PTK7: variants seen among roughly 807,000 people sequenced by gnomAD.
PTK7 encodes inactive tyrosine-protein kinase 7.
Under a neutral mutation model 116.6 loss-of-function variants are expected in PTK7, and 39 were observed. The ratio of observed to expected loss-of-function variants is 0.33; its 90% CI spans 0.26 to 0.44. The LOEUF is 0.44. Ranked by LOEUF, PTK7 falls within the 20% of genes least tolerant of loss-of-function variation. The pLI is 1.00. For synonymous variants in PTK7, 546 were observed against 563.6 expected, an observed-to-expected ratio of 0.97 and a Z score of 0.44; for missense variants, 1,169 against 1,425.6, an observed-to-expected ratio of 0.82 and a Z score of 2.90.
intron 13 of PTK7, 166 bp downstream of exon 13, chr6:43,142,465 C>A: frequency 9.2e-7 from 1 of 1,083,850 alleles, no homozygotes; most frequent in Non-Finnish European, 1.4e-6. Context: ...AGTCCTTGCT[C>A]AGAGCCGGGC....
intron 1 of PTK7, among the ~76,000 whole-genome samples, chr6:43,092,048 C>T (rs1459892514): frequency 1.3e-5 from 2 of 151,904 alleles, no homozygotes; most frequent in Admixed American, 6.6e-5. Flanking sequence ...TTTTTAGTAG[C>T]GATGGGGCTT....
At chr6:43,157,445 A>G (rs1249146051) in intron 17 of PTK7, among the ~76,000 whole-genome samples, 1 of 139,990 alleles carries the variant, frequency 7.1e-6, no homozygotes, top group Non-Finnish European at 1.5e-5. Context: ...CCTGAGGTTA[A>G]GCAGTCCTCC....
chr6:43,127,292 C>G (rs1336332845), intron 1 of PTK7, among the ~76,000 whole-genome samples: 1 of 152,218 alleles, frequency 6.6e-6, no homozygotes, highest in Non-Finnish European at 1.5e-5. Context: ...GAGTCCTCTT[C>G]TGTGTTCAAG....
In PTK7 at chr6:43,090,819, G is replaced by A. The variant is rs1766907299; in HGVS notation, c.79+14252G>A. ...GTTAAATGTGCTTTATATATAACAA[G>A]TTGGCTGAGAGGTTCCCCCCTCACT... On this transcript the variant is annotated intron_variant, in intron 1 of 19. Transcript: ENST00000230419. Among the ~76,000 whole-genome samples the A allele has an allele frequency of 2.0e-5, 3 of 152,314 alleles. No individual in the cohort carries two copies. In the South Asian group the frequency reaches 6.2e-4, roughly 32 times the overall value.
chr6:43,101,346 A>G (rs1767570270), intron 1 of PTK7, among the ~76,000 whole-genome samples: 1 of 151,918 alleles, frequency 6.6e-6, no homozygotes, highest in African/African-American at 2.4e-5. Flanking sequence ...AGGTCAGGAG[A>G]TTGAGACCAT....
chr6:43,145,480 G>A lies in PTK7; in HGVS notation c.2640+48G>A. The A allele has an allele frequency of 2.1e-6, 3 of 1,439,558 alleles. No homozygotes were observed. Among genetic ancestry groups the A allele is most frequent in the Non-Finnish European group, 2.8e-6 (3 of 1,068,796 alleles). 89.2% of individuals were successfully genotyped at this position (1,439,558 alleles called of 1,614,324 possible). ...GGGGGTCTCGGGTAGGGAGGGCAGT[G>A]TCCTACAAAGGTGGGAGTCAGTGGT... is the stretch of plus-strand genomic sequence containing the variant. On this transcript the variant is annotated intron_variant, in intron 16 of 19. Transcript: ENST00000230419. This position sits in a 1 kb window ranked among gnomAD's most constrained non-coding sequence, Gnocchi z 4.8.
intron 17 of PTK7, among the ~76,000 whole-genome samples, chr6:43,151,816 CGT>C (rs1771112767): frequency 6.9e-6 from 1 of 144,096 alleles, no homozygotes; most frequent in Non-Finnish European, 1.5e-5. Flanking sequence ...GGATTACAGG[CGT>C]GAGCCACCGC....
At chr6:43,092,714 A>C (rs1219867122) in intron 1 of PTK7, among the ~76,000 whole-genome samples, 1 of 152,216 alleles carries the variant, frequency 6.6e-6, no homozygotes, top group African/African-American at 2.4e-5. Flanking sequence ...GATACTGTGA[A>C]TGCTCAGTAA....
intron 1 of PTK7, among the ~76,000 whole-genome samples, chr6:43,118,655 C>CTATA (rs1384965257): frequency 9.9e-5 from 7 of 70,386 alleles, no homozygotes; most frequent in Non-Finnish European, 1.6e-4. Flanking sequence ...CTCTCTCTCT[C>CTATA]TCTCTATATA....
At position 43,126,740 on chromosome 6, in the gene PTK7, C is replaced by T. The variant is rs143632191; in HGVS notation, c.80-2237C>T. 5.6e-3 allele frequency among the ~76,000 whole-genome samples: 851 copies of T among 152,316 alleles called. 6 individuals carry two copies. The highest frequency in any genetic ancestry group is 0.019 in the African/African-American group (771 of 41,568). On this transcript the variant is annotated intron_variant, in intron 1 of 19. Coordinates refer to ENST00000230419, the MANE Select transcript of PTK7 (RefSeq NM_002821.5). Reference sequence around the variant, plus strand: ...GACCTGGGTTTACCCATCTGTACCACGGTGCTGAGCAGGAACAGAGCCCTA... The same window carrying T: ...GACCTGGGTTTACCCATCTGTACCATGGTGCTGAGCAGGAACAGAGCCCTA...
At chr6:43,154,162 CTAAA>C (rs371217159) in intron 17 of PTK7, among the ~76,000 whole-genome samples, 3 of 149,928 alleles carry the variant, frequency 2.0e-5, no homozygotes, top group Non-Finnish European at 3.0e-5. Context: ...GACTCAGTCT[CTAAA>C]TAAATAAATA....
chr6:43,141,606 G>C lies in PTK7; in HGVS notation c.1619-62G>C. The C allele has an allele frequency of 6.4e-7, 1 of 1,552,170 alleles. No individual in the cohort carries two copies. Among genetic ancestry groups the C allele is most frequent in the Non-Finnish European group, 8.8e-7 (1 of 1,135,382 alleles). ...TTTGAGTAGAGGTGAGGGACTGAAG[G>C]CATTGCCAGCTGTCTGTGTAACCCT... On this transcript the variant is annotated intron_variant, in intron 10 of 19. Coordinates refer to ENST00000230419, the MANE Select transcript of PTK7 (RefSeq NM_002821.5). The surrounding 1 kb of genome is among the most constrained non-coding windows in gnomAD (Gnocchi z 4.9).
intron 1 of PTK7, among the ~76,000 whole-genome samples, chr6:43,078,669 A>G (rs1000836340): frequency 3.3e-5 from 5 of 152,218 alleles, no homozygotes; most frequent in Admixed American, 6.5e-5. Context: ...GGATTAGACC[A>G]TTTTAAAGTC....
chr6:43,144,612 T>C lies in PTK7; in HGVS notation c.2407+6T>C. On this transcript the variant is annotated splice_donor_region_variant and intron_variant, in intron 15 of 19. Coordinates refer to ENST00000230419, the MANE Select transcript of PTK7 (RefSeq NM_002821.5). The stretch of plus-strand genomic sequence containing the variant: ...GCAGCCCATCACCACGCTGGGTATG[T>C]TGCCTTGACTACAGCTGCCCCTGCC... 6.2e-7 allele frequency: 1 copy of C among 1,603,782 alleles called. No individual in the cohort carries two copies. Among genetic ancestry groups the C allele is most frequent in the Non-Finnish European group, 8.5e-7 (1 of 1,172,954 alleles).
chr6:43,100,346 G>A (rs1767498969), intron 1 of PTK7, among the ~76,000 whole-genome samples: 1 of 149,628 alleles, frequency 6.7e-6, no homozygotes, highest in African/African-American at 2.5e-5. Flanking sequence ...TCACACCACT[G>A]CACTCCAGCC....
In PTK7 at chr6:43,144,684, G is replaced by A. The variant is rs1044256028; in HGVS notation, c.2407+78G>A. The stretch of plus-strand genomic sequence containing the variant: ...GTCTTGAGGCTGGGTACGGGCTAGT[G>A]TTCTGAAGTCCCTGAAACCTAGAAT... On this transcript the variant is annotated intron_variant, in intron 15 of 19. Transcript: ENST00000230419. 156 of 1,496,168 alleles carry A rather than the reference G, an allele frequency of 1.0e-4. 1 individual carries two copies. Among genetic ancestry groups the A allele is most frequent in the Non-Finnish European group, 1.1e-4 (122 of 1,112,252 alleles). The allele number at this position is 1,496,168 out of a possible 1,614,324, so 92.7% of individuals were successfully genotyped here. A position where few individuals can be genotyped will look rare whatever the true frequency, so the allele number is the denominator to read the frequency against.
In PTK7 at chr6:43,119,874, TC is replaced by T. The variant is rs547531408; in HGVS notation, c.80-9099del. On this transcript the variant is annotated intron_variant, in intron 1 of 19. Coordinates refer to ENST00000230419, the MANE Select transcript of PTK7 (RefSeq NM_002821.5). ...ATGGAGAGTGCTGAGAACTTGTGGT[TC>T]CCCTTGGCAATTCTGTTCCAGGTCC... Among the ~76,000 whole-genome samples, 549 of 152,278 alleles carry T rather than the reference TC, an allele frequency of 3.6e-3. 1 individual carries two copies. The highest frequency in any genetic ancestry group is 6.0e-3 in the Non-Finnish European group (407 of 68,024).
chr6:43,145,743 T>C lies in PTK7; in HGVS notation c.2640+311T>C, dbSNP rs1770690752. 2 of 202,306 alleles carry C rather than the reference T, an allele frequency of 9.9e-6. No homozygotes were observed. Among genetic ancestry groups the C allele is most frequent in the Non-Finnish European group, 2.0e-5 (2 of 101,436 alleles). 12.5% of individuals were successfully genotyped at this position (202,306 alleles called of 1,614,324 possible). On this transcript the variant is annotated intron_variant, in intron 16 of 19. Transcript: ENST00000230419. The surrounding 1 kb of genome is among the most constrained non-coding windows in gnomAD (Gnocchi z 4.8). Reference sequence around the variant, plus strand: ...CCTTCCAGGTCATCTTCTCTGACTCTTGTTTTCTTTGGTTTGTTATTTTTT... The same window carrying C: ...CCTTCCAGGTCATCTTCTCTGACTCCTGTTTTCTTTGGTTTGTTATTTTTT...
chr6:43,140,627 C>T (rs777845782), intron 10 of PTK7, among the ~76,000 whole-genome samples: 14 of 151,842 alleles, frequency 9.2e-5, no homozygotes, highest in Non-Finnish European at 1.6e-4. Flanking sequence ...GTAGCTCATG[C>T]CTGTAATCCC....
Sources: allele counts gnomAD v4.1 joint callset (sites outside exome capture counted in the v4.1 genomes callset), GRCh38; gene constraint gnomAD v4.1.1; non-coding constraint Gnocchi (gnomAD v3.1); transcripts MANE v1.5; gene names NCBI Gene and HGNC (gene_info 2026-07-23, HGNC 2026-07-21).